The following STAG1 variants were observed in gnomAD, a reference collection of about 807,000 sequenced individuals.
STAG1 encodes cohesin subunit SA-1.
A neutral mutation model predicts 170.9 loss-of-function variants in STAG1; 26 were observed. That is an observed-to-expected ratio of 0.15 (90% CI 0.11 to 0.21). The LOEUF (loss-of-function observed/expected upper bound fraction) is 0.21. Ranked by LOEUF, STAG1 falls within the 10% of genes least tolerant of loss-of-function variation. STAG1 has a pLI of 1.00. For synonymous variants in STAG1, 514 were observed against 497.7 expected (o/e 1.03, Z -0.44); for missense variants, 964 against 1,509.5 (o/e 0.64, Z 5.99).
chr3:136,345,979 T>C (rs1214747471), intron 29 of STAG1, among the ~76,000 whole-genome samples: 10 of 152,226 alleles, frequency 6.6e-5, no homozygotes, highest in Admixed American at 6.5e-5. Context: ...AATTCAAAAC[T>C]TTTATTCTCT....
intron 21 of STAG1, among the ~76,000 whole-genome samples, chr3:136,417,239 A>G (rs2087801399): frequency 6.6e-6 from 1 of 152,174 alleles, no homozygotes; most frequent in African/African-American, 2.4e-5. Flanking sequence ...ATTCTATACT[A>G]CCAAATGGAA....
intron 5 of STAG1, among the ~76,000 whole-genome samples, chr3:136,550,038 C>A (rs72971411): frequency 6.6e-6 from 1 of 152,070 alleles, no homozygotes; most frequent in Non-Finnish European, 1.5e-5. Flanking sequence ...TTGTTTAGGA[C>A]TTTTTGCATA....
intron 1 of STAG1, among the ~76,000 whole-genome samples, chr3:136,694,996 C>T (rs1168987625): frequency 6.6e-6 from 1 of 152,130 alleles, no homozygotes; most frequent in Non-Finnish European, 1.5e-5. Flanking sequence ...TCTGAGATCA[C>T]CCAGAGAAGT....
chr3:136,513,710 G>GT (rs1934195121), intron 7 of STAG1, among the ~76,000 whole-genome samples: 1 of 152,050 alleles, frequency 6.6e-6, no homozygotes, highest in Admixed American at 6.5e-5. Context: ...GCTACAACAT[G>GT]TTTTTCAGGC....
intron 15 of STAG1, among the ~76,000 whole-genome samples, chr3:136,434,083 T>C (rs2088386817): frequency 6.6e-6 from 1 of 152,188 alleles, no homozygotes; most frequent in Non-Finnish European, 1.5e-5. Flanking sequence ...ATCTAACGTA[T>C]GTACCATAAT....
intron 12 of STAG1, among the ~76,000 whole-genome samples, chr3:136,465,741 G>A (rs2089436938): frequency 6.6e-6 from 1 of 151,740 alleles, no homozygotes. Flanking sequence ...AAAAATTGAA[G>A]GTTCTCTTCC....
chr3:136,478,989 C>G (rs1229124976), intron 9 of STAG1, among the ~76,000 whole-genome samples: 1 of 150,728 alleles, frequency 6.6e-6, no homozygotes, highest in Non-Finnish European at 1.5e-5. Context: ...TCACTTAATA[C>G]AAATAGAAGA....
intron 32 of STAG1, among the ~76,000 whole-genome samples, chr3:136,339,373 A>AT (rs1374854575): frequency 3.3e-5 from 5 of 152,200 alleles, no homozygotes; most frequent in African/African-American, 1.2e-4. Flanking sequence ...AAATATAAAA[A>AT]TTAACTGGGT....
chr3:136,591,117 A>G (rs1457615501), intron 4 of STAG1, among the ~76,000 whole-genome samples: 1 of 151,542 alleles, frequency 6.6e-6, no homozygotes, highest in Non-Finnish European at 1.5e-5. Context: ...TATCAAAGAC[A>G]AAATATGTAC....
rs560721818 is a variant in STAG1, at chr3:136,643,881, G to C, written c.-83-12900C>G. On this transcript the variant is annotated intron_variant, in intron 1 of 33. Transcript: ENST00000383202. ...TGACCGTGTAGCAAAGGTATAGACA[G>C]TTTACAATTTACTAGACCTACCAAC... 7.0e-4 allele frequency among the ~76,000 whole-genome samples: 107 copies of C among 152,278 alleles called. 1 individual carries two copies. The highest frequency in any genetic ancestry group is 3.4e-3 in the Middle Eastern group (1 of 294).
intron 23 of STAG1, among the ~76,000 whole-genome samples, chr3:136,375,352 G>T (rs1046814501): frequency 4.6e-5 from 7 of 152,278 alleles, no homozygotes; most frequent in Admixed American, 2.0e-4. Flanking sequence ...ACAATAGAAA[G>T]ATTTTGTTGT....
chr3:136,542,965 T>A (rs534776109), intron 5 of STAG1, among the ~76,000 whole-genome samples: 7 of 152,276 alleles, frequency 4.6e-5, no homozygotes, highest in South Asian at 4.1e-4. Flanking sequence ...TACTCTTTAT[T>A]GACTCTCAAA....
chr3:136,460,068 C>A (rs1041359227), intron 13 of STAG1, among the ~76,000 whole-genome samples: 2 of 151,784 alleles, frequency 1.3e-5, no homozygotes, highest in Non-Finnish European at 2.9e-5. Context: ...TACAAAAGAC[C>A]AATGAAACCA....
At chr3:136,629,188 A>G (rs1206646296) in intron 2 of STAG1, among the ~76,000 whole-genome samples, 1 of 152,210 alleles carries the variant, frequency 6.6e-6, no homozygotes, top group East Asian at 1.9e-4. Context: ...TCTGTTTCAT[A>G]TTTTATCAAA....
intron 1 of STAG1, among the ~76,000 whole-genome samples, chr3:136,656,441 T>C (rs1480434883): frequency 4.9e-5 from 4 of 81,616 alleles, no homozygotes; most frequent in Non-Finnish European, 9.1e-5. Flanking sequence ...TTAGGTTGTG[T>C]GTATTTTATC....
At chr3:136,448,054 C>CTTTTTTTTTT (rs2088835400) in intron 14 of STAG1, among the ~76,000 whole-genome samples, 1 of 152,116 alleles carries the variant, frequency 6.6e-6, no homozygotes, top group Admixed American at 6.6e-5. Context: ...AAATCAATGA[C>CTTTTTTTTTT]TGTCACAGGT....
At chr3:136,444,874 CT>C (rs1367612119) in intron 14 of STAG1, among the ~76,000 whole-genome samples, 1 of 151,826 alleles carries the variant, frequency 6.6e-6, no homozygotes, top group East Asian at 1.9e-4. Flanking sequence ...TTTTTTTCTC[CT>C]TTGGAGACAG....
At chr3:136,680,950 T>A (rs966098954) in intron 1 of STAG1, among the ~76,000 whole-genome samples, 2 of 149,838 alleles carry the variant, frequency 1.3e-5, no homozygotes, top group African/African-American at 4.9e-5. Context: ...TAAAATGATG[T>A]AGTATTTGCA....
intron 1 of STAG1, among the ~76,000 whole-genome samples, chr3:136,701,795 A>C (rs550303652): frequency 6.6e-6 from 1 of 152,268 alleles, no homozygotes; most frequent in South Asian, 2.1e-4. Context: ...AGGCACTGAA[A>C]CTTCAAATGA....
Sources: gnomAD v4.1 joint callset for allele counts (sites outside exome capture counted in the v4.1 genomes callset) on GRCh38, gnomAD v4.1.1 for gene constraint, MANE v1.5 for transcripts, NCBI Gene and HGNC (gene_info 2026-07-23, HGNC 2026-07-21) for gene names.